Variants in MEGF6 observed in about 807,000 individuals in gnomAD.
MEGF6 encodes the protein multiple EGF like domains 6.
Under a neutral mutation model 207.1 loss-of-function variants are expected in MEGF6, and 184 were observed. That is an observed-to-expected ratio of 0.89 (90% CI 0.79 to 1.00). The LOEUF is 1.00. Ranked by LOEUF, MEGF6 falls within the 50% of genes least tolerant of loss-of-function variation. MEGF6 has a pLI of 0.00. For synonymous variants in MEGF6, 1,038 were observed against 910.0 expected (o/e 1.14, Z -2.53); for missense variants, 2,282 against 2,202.9 (o/e 1.04, Z -0.72).
chr1:3,495,958 GC>G lies in MEGF6; in HGVS notation c.3802del (p.Ala1268ArgfsTer6). ...GGTGCCGGTCACAGGGTCGCAGGCC[GC>G]CCCCTGCCCACACCCACACACGTGG... ...CTHVCGCGQG[A>X]ACDPVTGTCL... On this transcript the variant is annotated frameshift_variant, in exon 30 of 37. Coordinates refer to ENST00000356575, the MANE Select transcript of MEGF6 (RefSeq NM_001409.4). LOFTEE classifies it high-confidence loss of function. 2 of 1,583,928 alleles carry G rather than the reference GC, an allele frequency of 1.3e-6. No individual in the cohort carries two copies.
At chr1:3,602,223 C>T (rs1364731056) in intron 2 of MEGF6, among the ~76,000 whole-genome samples, 2 of 152,216 alleles carry the variant, frequency 1.3e-5, no homozygotes, top group South Asian at 2.1e-4. Context: ...CCTCCACACA[C>T]CCCTCACAAA....
At chr1:3,509,668 C>T (rs1402526986) in intron 11 of MEGF6, among the ~76,000 whole-genome samples, 2 of 152,186 alleles carry the variant, frequency 1.3e-5, no homozygotes, top group Non-Finnish European at 2.9e-5. Context: ...CCCCAACCCC[C>T]ACACGGCCCT....
Position 3,501,269 on chromosome 1 carries a change from A to AT in MEGF6, c.2353dup (p.Ile785AsnfsTer14). On this transcript the variant is annotated frameshift_variant, in exon 19 of 37. Coordinates refer to ENST00000356575, the MANE Select transcript of MEGF6 (RefSeq NM_001409.4). LOFTEE classifies it high-confidence loss of function. ...GGCAGCGTGCTGGCATGCTGGGCAG[A>AT]TCTCCTGGCAGCCCAGCCCCCAGCG... is the stretch of plus-strand genomic sequence containing the variant. 6.2e-7 allele frequency: 1 copy of AT among 1,607,036 alleles called. No individual in the cohort carries two copies. The highest frequency in any genetic ancestry group is 8.5e-7 in the Non-Finnish European group (1 of 1,177,574).
At chr1:3,531,553 C>CG in intron 4 of MEGF6, 1 of 950,486 alleles carries the variant, frequency 1.1e-6, no homozygotes, top group Non-Finnish European at 1.3e-6. Flanking sequence ...GGGGGCCGCG[C>CG]CGGCCCGCCC....
At chr1:3,561,887 TG>T (rs1252655025) in intron 4 of MEGF6, among the ~76,000 whole-genome samples, 1 of 152,226 alleles carries the variant, frequency 6.6e-6, no homozygotes, top group Non-Finnish European at 1.5e-5. Context: ...CGTTCCCATT[TG>T]TTTCCCAGAA....
intron 4 of MEGF6, among the ~76,000 whole-genome samples, chr1:3,524,472 C>T (rs538817941): frequency 2.1e-4 from 32 of 152,320 alleles, no homozygotes; most frequent in African/African-American, 6.5e-4. Flanking sequence ...CCTCGAGGGC[C>T]GGCCAGAAGG....
intron 3 of MEGF6, among the ~76,000 whole-genome samples, chr1:3,586,732 A>G (rs576311942): frequency 2.0e-5 from 3 of 152,322 alleles, no homozygotes; most frequent in African/African-American, 7.2e-5. Context: ...CCCGGGGTCC[A>G]CAGAGGGCCC....
chr1:3,534,695 C>G (rs1642273660), intron 4 of MEGF6, among the ~76,000 whole-genome samples: 1 of 152,196 alleles, frequency 6.6e-6, no homozygotes, highest in African/African-American at 2.4e-5. Flanking sequence ...AGAGCTGATT[C>G]CCAGAGGGCG....
Position 3,595,458 on chromosome 1 carries a change from A to G in MEGF6, c.267-11T>C, listed in dbSNP as rs1297437776. 1 of 1,607,228 alleles carries G rather than the reference A, an allele frequency of 6.2e-7. No homozygotes were observed. The highest frequency in any genetic ancestry group is 1.1e-5 in the South Asian group (1 of 90,958). ...ATGTAGTAGACGGTTCTAGAAAGAA[A>G]GAGAGAAGGGAAGTGCTTACCGTCG... On this transcript the variant is annotated splice_polypyrimidine_tract_variant and intron_variant, in intron 2 of 36. Transcript: ENST00000356575.
At chr1:3,559,812 C>G (rs1643140119) in intron 4 of MEGF6, among the ~76,000 whole-genome samples, 1 of 152,006 alleles carries the variant, frequency 6.6e-6, no homozygotes, top group African/African-American at 2.4e-5. Context: ...GAGTTCAAGA[C>G]CAGCCTGGCC....
chr1:3,592,977 G>T (rs550633018), intron 3 of MEGF6, among the ~76,000 whole-genome samples: 2 of 151,926 alleles, frequency 1.3e-5, no homozygotes, highest in East Asian at 3.9e-4. Context: ...GGGCTGCCCC[G>T]GGGAGGGTCT....
intron 21 of MEGF6, 99 bp from the exon 22 acceptor site, chr1:3,500,023 C>A (rs978217154): frequency 7.0e-7 from 1 of 1,434,250 alleles, no homozygotes; most frequent in Non-Finnish European, 9.2e-7. Context: ...GTGGGACAGG[C>A]CTGGCTCATG....
Position 3,490,538 on chromosome 1 carries a change from G to C in MEGF6, c.4616C>G (p.Ala1539Gly). The change falls in exon 37 of 37, where the codon GCG becomes GGG. Residue 1539 changes from alanine (A) to glycine (G), a missense_variant. By Grantham distance (60) the Ala-to-Gly change is moderately conservative. Transcript: ENST00000356575. ...SRPTSRSGGP[A>G]RH The stretch of plus-strand genomic sequence containing the variant: ...ACGGGACTGCCTCTACTAGTGCCTC[G>C]CTGGTCCACCGCTCCGGGATGTGGG... 1.2e-6 allele frequency: 2 copies of C among 1,613,172 alleles called. No individual in the cohort carries two copies. Among genetic ancestry groups the C allele is most frequent in the Non-Finnish European group, 1.7e-6 (2 of 1,179,858 alleles).
At position 3,499,195 on chromosome 1, in the gene MEGF6, G is replaced by A; in HGVS notation, c.3037C>T (p.Pro1013Ser). ...GCACAGTGGCACTGCCCGTGGACAGGGTCACAGGAGGCCCCGTTAAAGCAG... is the reference window on the plus strand; with the variant it reads ...GCACAGTGGCACTGCCCGTGGACAGAGTCACAGGAGGCCCCGTTAAAGCAG... ...CACFNGASCDPVHGQCHCAPG... is the reference protein window; with the variant it reads ...CACFNGASCDSVHGQCHCAPG... The change falls in exon 24 of 37, where the codon CCT becomes TCT. Residue 1013 changes from proline to serine, a missense_variant. Pro to Ser is a moderately conservative substitution (Grantham distance 74). Coordinates refer to ENST00000356575, the MANE Select transcript of MEGF6 (RefSeq NM_001409.4). 6.2e-7 allele frequency: 1 copy of A among 1,604,104 alleles called. No individual in the cohort carries two copies. The highest frequency in any genetic ancestry group is 2.2e-5 in the East Asian group (1 of 44,570).
chr1:3,530,124 G>A (rs1053773609), intron 4 of MEGF6, among the ~76,000 whole-genome samples: 1 of 152,234 alleles, frequency 6.6e-6, no homozygotes, highest in Non-Finnish European at 1.5e-5. Flanking sequence ...GGCACTGTGG[G>A]TGGACCTGGC....
intron 3 of MEGF6, among the ~76,000 whole-genome samples, chr1:3,583,229 C>T (rs990931848): frequency 2.6e-5 from 4 of 152,252 alleles, no homozygotes; most frequent in East Asian, 1.9e-4. Flanking sequence ...ACCCCCATGC[C>T]GTCAGCATCC....
chr1:3,499,850 C>T lies in MEGF6; in HGVS notation c.2782G>A (p.Val928Ile), dbSNP rs1484277488. The T allele has an allele frequency of 6.4e-6, 10 of 1,554,734 alleles. No individual in the cohort carries two copies. Among genetic ancestry groups the T allele is most frequent in the African/African-American group, 2.7e-5 (2 of 73,400 alleles). ...GCCGGGCAGGTGCAGGCCCCGCTGA[C>T]GTGGTCACAGGCTGCTCCATGCTGA... ...QCQHGAACDH[V>I]SGACTCPAGW... Residue 928 changes from valine (V) to isoleucine (I), a missense_variant, in exon 22 of 37, where the codon GTC becomes ATC. Physicochemically the swap from Val to Ile is conservative, Grantham distance 29. Coordinates refer to ENST00000356575, the MANE Select transcript of MEGF6 (RefSeq NM_001409.4).
intron 2 of MEGF6, among the ~76,000 whole-genome samples, chr1:3,596,596 G>A (rs1305637743): frequency 1.2e-3 from 65 of 52,648 alleles, no homozygotes; most frequent in Admixed American, 2.7e-3. Flanking sequence ...CCCAGCCCCC[G>A]TCTCCACCCC....
intron 4 of MEGF6, among the ~76,000 whole-genome samples, chr1:3,564,934 C>T (rs1358052525): frequency 1.3e-5 from 2 of 152,276 alleles, no homozygotes; most frequent in South Asian, 2.1e-4. Flanking sequence ...TTTCCATGGC[C>T]CCGCTCCAGC....
Sources: gnomAD v4.1 joint callset for allele counts (sites outside exome capture counted in the v4.1 genomes callset) on GRCh38, gnomAD v4.1.1 for gene constraint, MANE v1.5 for transcripts, NCBI Gene and HGNC (gene_info 2026-07-23, HGNC 2026-07-21) for gene names.